The following NAALADL2 variants were observed in gnomAD, a reference collection of about 807,000 sequenced individuals.
NAALADL2 encodes the protein inactive N-acetylated-alpha-linked acidic dipeptidase-like protein 2.
A neutral mutation model predicts 87.2 loss-of-function variants in NAALADL2; 76 were observed. That is an observed-to-expected ratio of 0.87 (90% CI 0.72 to 1.05). NAALADL2 has a LOEUF of 1.05. NAALADL2 is among the 50% of genes least tolerant of loss of function. NAALADL2 has a pLI of 0.00. For synonymous variants in NAALADL2, 354 were observed against 331.0 expected, an observed-to-expected ratio of 1.07 and a Z score of -0.75; for missense variants, 1,089 against 945.8, an observed-to-expected ratio of 1.15 and a Z score of -1.99.
chr3:174,707,889 T>C (rs1394048735), intron 2 of NAALADL2, among the ~76,000 whole-genome samples: 1 of 151,934 alleles, frequency 6.6e-6, no homozygotes, highest in East Asian at 1.9e-4. Context: ...ACATCATGTA[T>C]CTGGTAAGGG....
chr3:174,658,839 G>A (rs1439471239), intron 2 of NAALADL2, among the ~76,000 whole-genome samples: 1 of 152,060 alleles, frequency 6.6e-6, no homozygotes, highest in Non-Finnish European at 1.5e-5. Context: ...GCAACTAATG[G>A]TATCTTGAAG....
At chr3:175,534,299 T>C (rs1183410964) in intron 9 of NAALADL2, among the ~76,000 whole-genome samples, 2 of 151,858 alleles carry the variant, frequency 1.3e-5, no homozygotes, top group Admixed American at 6.6e-5. Flanking sequence ...GGGAGATAGA[T>C]AGATTTTATT....
At chr3:175,303,441 T>A (rs1474753561) in intron 4 of NAALADL2, among the ~76,000 whole-genome samples, 4 of 152,132 alleles carry the variant, frequency 2.6e-5, no homozygotes, top group African/African-American at 9.7e-5. Flanking sequence ...TTTGCATAGT[T>A]TTAACAAGGA....
At position 175,348,074 on chromosome 3, in the gene NAALADL2, G is replaced by C. The variant is rs552972651; in HGVS notation, c.1090+23749G>C. ...TCTTTTGTTTTGTTTTGTTTGAGAC[G>C]GAATTTTGCTCTTGTTGCCCAGGCT... On this transcript the variant is annotated intron_variant, in intron 5 of 13. Coordinates refer to ENST00000454872, the MANE Select transcript of NAALADL2 (RefSeq NM_207015.3). Among the ~76,000 whole-genome samples the C allele has an allele frequency of 2.3e-3, 345 of 152,122 alleles. 1 individual carries two copies. Among genetic ancestry groups the C allele is most frequent in the African/African-American group, 8.0e-3 (334 of 41,514 alleles).
rs766326626 is a variant in NAALADL2 at position 175,232,457 on chromosome 3, G to A, written c.546-1474G>A. Among the ~76,000 whole-genome samples the A allele has an allele frequency of 2.6e-5, 4 of 152,066 alleles. No individual in the cohort carries two copies. The East Asian group carries it at 7.7e-4, about 29-fold the overall frequency. On this transcript the variant is annotated intron_variant, in intron 2 of 13. Transcript: ENST00000454872. Reference sequence around the variant, plus strand: ...CTTATGTCTTTTCCAGGCATGTACTGTTGCAGGGGTGTCCAATCATTTAGC... The same window carrying A: ...CTTATGTCTTTTCCAGGCATGTACTATTGCAGGGGTGTCCAATCATTTAGC...
chr3:174,782,623 C>T (rs563530834), intron 3 of NAALADL2, among the ~76,000 whole-genome samples: 4 of 151,842 alleles, frequency 2.6e-5, no homozygotes, highest in Admixed American at 1.3e-4. Flanking sequence ...CCCGAGACTG[C>T]GTAATTTAAA....
chr3:174,887,727 G>T (rs1386955950), intron 1 of NAALADL2, among the ~76,000 whole-genome samples: 1 of 152,032 alleles, frequency 6.6e-6, no homozygotes, highest in Non-Finnish European at 1.5e-5. Flanking sequence ...AGCCCAAGTG[G>T]TCAAGGCTGC....
intron 11 of NAALADL2, among the ~76,000 whole-genome samples, chr3:175,707,869 G>T (rs767969983): frequency 2.0e-5 from 3 of 151,900 alleles, no homozygotes; most frequent in Non-Finnish European, 4.4e-5. Context: ...TGATAGAAGC[G>T]CTGATGGAAA....
chr3:174,558,586 G>A lies in NAALADL2; in HGVS notation c.-115+7949G>A, dbSNP rs376760926. Among the ~76,000 whole-genome samples the A allele has an allele frequency of 7.4e-4, 113 of 152,104 alleles. 1 individual carries two copies. In the South Asian group the frequency reaches 0.022, roughly 30 times the overall value. Reference sequence around the variant, plus strand: ...TCTCACATGTGCAGTTCACAATAGGGTTCGTGCTCCCCTGAAAATCTAACG... The same window carrying A: ...TCTCACATGTGCAGTTCACAATAGGATTCGTGCTCCCCTGAAAATCTAACG... On this transcript the variant is annotated intron_variant, in intron 2 of 3. Coordinates refer to the NAALADL2 transcript ENST00000434257.
intron 11 of NAALADL2, among the ~76,000 whole-genome samples, chr3:175,656,192 T>C (rs1731439797): frequency 6.6e-6 from 1 of 152,210 alleles, no homozygotes; most frequent in Non-Finnish European, 1.5e-5. Flanking sequence ...TTAGTGGTAA[T>C]AAACCATCTC....
intron 2 of NAALADL2, among the ~76,000 whole-genome samples, chr3:174,607,770 TA>T (rs1251352101): frequency 2.6e-5 from 4 of 151,938 alleles, no homozygotes; most frequent in Admixed American, 6.6e-5. Context: ...GACAGAAAGT[TA>T]ACAAGGATAC....
At chr3:174,794,721 A>G (rs1717871769) in intron 3 of NAALADL2, among the ~76,000 whole-genome samples, 1 of 152,132 alleles carries the variant, frequency 6.6e-6, no homozygotes, top group African/African-American at 2.4e-5. Flanking sequence ...TAACACAGGA[A>G]TGTAATGTAT....
intron 4 of NAALADL2, among the ~76,000 whole-genome samples, chr3:175,275,993 T>C (rs941351434): frequency 3.3e-5 from 5 of 151,680 alleles, no homozygotes; most frequent in Non-Finnish European, 5.9e-5. Flanking sequence ...TTTAATGTTT[T>C]TTCTTCAGTC....
At chr3:175,555,926 A>G (rs1435744189) in intron 9 of NAALADL2, among the ~76,000 whole-genome samples, 1 of 152,160 alleles carries the variant, frequency 6.6e-6, no homozygotes, top group Non-Finnish European at 1.5e-5. Context: ...TGACTTTCCA[A>G]AATGAAAAAG....
rs75974456 is a variant in NAALADL2, at chr3:174,584,211, T to C, written c.-115+33574T>C. Among the ~76,000 whole-genome samples the C allele has an allele frequency of 4.0e-3, 603 of 152,202 alleles. 1 individual carries two copies. Among genetic ancestry groups the C allele is most frequent in the African/African-American group, 0.014 (583 of 41,546 alleles). ...GTGTGGGTTCATAGATGGAAGAATA[T>C]GTTCAAGAAGGAGGTAATCAGAGAA... On this transcript the variant is annotated intron_variant, in intron 2 of 3. Transcript: ENST00000434257.
At chr3:175,248,776 A>G (rs760843856) in intron 3 of NAALADL2, among the ~76,000 whole-genome samples, 6 of 152,166 alleles carry the variant, frequency 3.9e-5, no homozygotes, top group Non-Finnish European at 8.8e-5. Context: ...ATGTATTCAA[A>G]TATATATCCA....
rs532685138 is a variant in NAALADL2, at chr3:175,136,653, T to C, written c.545+39362T>C. On this transcript the variant is annotated intron_variant, in intron 2 of 13. Coordinates refer to ENST00000454872, the MANE Select transcript of NAALADL2 (RefSeq NM_207015.3). ...AGTTTTTTTTTCTTTCTGAAGATGC[T>C]AAATGGGATTTTCACAGTAATGAGG... is the stretch of plus-strand genomic sequence containing the variant. Among the ~76,000 whole-genome samples, 22 of 152,184 alleles carry C rather than the reference T, an allele frequency of 1.4e-4. No individual in the cohort carries two copies. In the South Asian group the frequency reaches 3.7e-3, roughly 26 times the overall value.
At chr3:175,388,762 G>A (rs1768727120) in intron 5 of NAALADL2, among the ~76,000 whole-genome samples, 1 of 151,878 alleles carries the variant, frequency 6.6e-6, no homozygotes, top group Non-Finnish European at 1.5e-5. Flanking sequence ...ATTTCTTAGT[G>A]GATTGGTCAT....
At chr3:175,694,666 G>GA (rs1737501957) in intron 11 of NAALADL2, among the ~76,000 whole-genome samples, 1 of 152,052 alleles carries the variant, frequency 6.6e-6, no homozygotes, top group African/African-American at 2.4e-5. Context: ...ATTGCTAAGG[G>GA]AAAATAACAT....
Sources: allele counts gnomAD v4.1 joint callset (sites outside exome capture counted in the v4.1 genomes callset), GRCh38; gene constraint gnomAD v4.1.1; transcripts MANE v1.5; gene names NCBI Gene and HGNC (gene_info 2026-07-23, HGNC 2026-07-21).